The following STIM1 variants were observed in gnomAD, a reference collection of about 807,000 sequenced individuals.
STIM1 encodes stromal interaction molecule 1.
STIM1 carries 25 observed loss-of-function variants against 74.7 expected under a neutral mutation model. That is an observed-to-expected ratio of 0.33 (90% CI 0.24 to 0.47). The LOEUF (loss-of-function observed/expected upper bound fraction) is 0.47. Among genes scored for constraint, STIM1 ranks in the 20% least tolerant of loss-of-function variants. The pLI is 1.00. For synonymous variants in STIM1, 328 were observed against 348.8 expected, an observed-to-expected ratio of 0.94 and a Z score of 0.66; for missense variants, 728 against 920.8, an observed-to-expected ratio of 0.79 and a Z score of 2.71.
intron 2 of STIM1, among the ~76,000 whole-genome samples, chr11:4,003,750 G>C (rs1228312528): frequency 6.6e-6 from 1 of 152,268 alleles, no homozygotes; most frequent in South Asian, 2.1e-4. Flanking sequence ...CAACTAGGCA[G>C]AAGAAAGAAA....
chr11:3,974,175 A>C, intron 2 of STIM1: 1 of 545,848 alleles, frequency 1.8e-6, no homozygotes, highest in South Asian at 2.4e-5. Flanking sequence ...TTCAAAGCTC[A>C]ACTCTCTGAT....
At chr11:3,940,108 A>G (rs138906012) in intron 1 of STIM1, among the ~76,000 whole-genome samples, 98 of 152,300 alleles carry the variant, frequency 6.4e-4, no homozygotes, top group African/African-American at 2.3e-3. Context: ...AAATTAATTC[A>G]TGGTTTTGTA....
chr11:3,868,565 T>C (rs970226883), intron 1 of STIM1, among the ~76,000 whole-genome samples: 1 of 152,244 alleles, frequency 6.6e-6, no homozygotes, highest in African/African-American at 2.4e-5. Context: ...GCATTTTGAT[T>C]AAAAATTATA....
chr11:3,971,546 A>AAAAAC (rs142441098), intron 2 of STIM1, among the ~76,000 whole-genome samples: 6,258 of 152,034 alleles, frequency 0.041, 399 homozygotes, highest in African/African-American at 0.14. Context: ...AAAAAAACAA[A>AAAAAC]AAAACAAAAC....
chr11:3,904,587 C>T (rs1351211126), intron 1 of STIM1, among the ~76,000 whole-genome samples: 1 of 151,916 alleles, frequency 6.6e-6, no homozygotes, highest in Non-Finnish European at 1.5e-5. Context: ...TATGCCTGTG[C>T]TTAGAATGTA....
At chr11:3,862,897 CACAT>C (rs1458352212) in intron 1 of STIM1, among the ~76,000 whole-genome samples, 1 of 151,478 alleles carries the variant, frequency 6.6e-6, no homozygotes, top group Non-Finnish European at 1.5e-5. Flanking sequence ...CACACACACA[CACAT>C]ATTTTTTTGA....
At chr11:4,066,956 G>T (rs1306638578) in intron 5 of STIM1, among the ~76,000 whole-genome samples, 1 of 152,204 alleles carries the variant, frequency 6.6e-6, no homozygotes, top group East Asian at 1.9e-4. Flanking sequence ...CTCACTTAGT[G>T]GTGTGGGGTA....
chr11:3,997,149 C>A (rs2093670379), intron 2 of STIM1, among the ~76,000 whole-genome samples: 1 of 152,226 alleles, frequency 6.6e-6, no homozygotes, highest in South Asian at 2.1e-4. Context: ...AGGATTTGAC[C>A]TGTGTCATGT....
At chr11:4,042,343 G>A (rs1421352373) in intron 3 of STIM1, among the ~76,000 whole-genome samples, 2 of 152,036 alleles carry the variant, frequency 1.3e-5, no homozygotes, top group East Asian at 3.9e-4. Context: ...ATACAATATA[G>A]GACTATTTTT....
chr11:3,950,808 T>G (rs755088657), intron 1 of STIM1, among the ~76,000 whole-genome samples: 6 of 152,062 alleles, frequency 3.9e-5, no homozygotes, highest in Non-Finnish European at 8.8e-5. Flanking sequence ...AAATTTTTAT[T>G]TTGTAGAGAC....
intron 1 of STIM1, among the ~76,000 whole-genome samples, chr11:3,925,729 T>G (rs1376273386): frequency 6.6e-6 from 1 of 152,226 alleles, no homozygotes; most frequent in East Asian, 1.9e-4. Context: ...CACATTCATT[T>G]GATTAATGTA....
intron 3 of STIM1, among the ~76,000 whole-genome samples, chr11:4,052,869 A>G (rs1055657125): frequency 6.6e-6 from 1 of 152,238 alleles, no homozygotes. Flanking sequence ...CAGAATCTAC[A>G]AAGAACTCAA....
intron 1 of STIM1, among the ~76,000 whole-genome samples, chr11:3,884,150 G>C (rs1262355755): frequency 6.6e-6 from 1 of 152,124 alleles, no homozygotes; most frequent in Non-Finnish European, 1.5e-5. Context: ...CAAGGGTCTG[G>C]ATCAGGAATC....
At chr11:3,941,673 T>TATAGAG (rs141623520) in intron 1 of STIM1, among the ~76,000 whole-genome samples, 545 of 90,714 alleles carry the variant, frequency 6.0e-3, no homozygotes, top group African/African-American at 0.013. Flanking sequence ...TATATATATA[T>TATAGAG]AGAGAGAGAG....
chr11:3,943,091 C>G (rs2093030548), intron 1 of STIM1, among the ~76,000 whole-genome samples: 1 of 152,176 alleles, frequency 6.6e-6, no homozygotes, highest in Non-Finnish European at 1.5e-5. Flanking sequence ...CTAGTCTGCT[C>G]TTAGAGAGCT....
At chr11:3,890,572 G>A (rs1281045291) in intron 1 of STIM1, among the ~76,000 whole-genome samples, 1 of 152,152 alleles carries the variant, frequency 6.6e-6, no homozygotes, top group Non-Finnish European at 1.5e-5. Flanking sequence ...GCCGGGCATG[G>A]TGGCACACGC....
chr11:4,084,435 C>G (rs561125702), intron 10 of STIM1, among the ~76,000 whole-genome samples: 2 of 152,286 alleles, frequency 1.3e-5, no homozygotes, highest in Admixed American at 1.3e-4. Context: ...TTCTTCTAAT[C>G]TGATAACTCG....
At chr11:3,989,803 AC>A (rs2093592114) in intron 2 of STIM1, among the ~76,000 whole-genome samples, 3 of 152,350 alleles carry the variant, frequency 2.0e-5, no homozygotes, top group Admixed American at 6.5e-5. Context: ...CATATGGACC[AC>A]CAGGCCTAAA....
intron 1 of STIM1, among the ~76,000 whole-genome samples, chr11:3,931,194 A>G (rs1425210967): frequency 5.3e-5 from 8 of 152,176 alleles, no homozygotes; most frequent in Non-Finnish European, 1.2e-4. Context: ...GGATCTGAAA[A>G]TTGAGAGAAA....
Sources: gnomAD v4.1 joint callset for allele counts (sites outside exome capture counted in the v4.1 genomes callset) on GRCh38, gnomAD v4.1.1 for gene constraint, MANE v1.5 for transcripts, NCBI Gene and HGNC (gene_info 2026-07-23, HGNC 2026-07-21) for gene names.